The following SCRIB variants were observed in gnomAD, a reference collection of about 807,000 sequenced individuals.
SCRIB encodes the protein scribble planar cell polarity protein, also known as protein scribble homolog.
A neutral mutation model predicts 170.0 loss-of-function variants in SCRIB; 72 were observed. The ratio of observed to expected loss-of-function variants is 0.42; its 90% CI spans 0.35 to 0.52. The LOEUF is 0.52. SCRIB is among the 20% of genes least tolerant of loss of function. The pLI is 0.02. For synonymous variants in SCRIB, 1,298 were observed against 1,044.3 expected (o/e 1.24, Z -4.68); for missense variants, 2,475 against 2,338.5 (o/e 1.06, Z -1.20).
At position 143,813,865 on chromosome 8, in the gene SCRIB, G is replaced by C; in HGVS notation, c.309C>G (p.Phe103Leu). ...AGTCCGCGATCTCCAGAGCCTTGCA[G>C]AACTTGATGCTCTCCGGGATCTCAG... is the stretch of plus-strand genomic sequence containing the variant. The part of the protein sequence containing the change: ...DIPEIPESIK[F>L]CKALEIADFS... The change falls in exon 3 of 37, where the codon TTC (phenylalanine) becomes TTG (leucine). Residue 103 changes from phenylalanine to leucine, a missense_variant. Coordinates refer to ENST00000356994, the MANE Select transcript of SCRIB (RefSeq NM_182706.5). 1 of 1,609,602 alleles carries C rather than the reference G, an allele frequency of 6.2e-7. No individual in the cohort carries two copies. Among genetic ancestry groups the C allele is most frequent in the Non-Finnish European group, 8.5e-7 (1 of 1,177,130 alleles).
chr8:143,791,527 C>T (rs1308414695), intron 35 of SCRIB, 87 bp from the exon 36 acceptor site: 2 of 1,589,608 alleles, frequency 1.3e-6, no homozygotes, highest in Non-Finnish European at 1.7e-6. Context: ...CCCTGAGGCC[C>T]ACAGAGCCCG....
chr8:143,814,225 G>A (rs1815906680), intron 1 of SCRIB, 107 bp from the exon 2 acceptor site: 1 of 916,688 alleles, frequency 1.1e-6, no homozygotes, highest in Non-Finnish European at 1.7e-6. Context: ...GCCTCTGTCT[G>A]CTCCAGGTCA....
intron 21 of SCRIB, 124 bp downstream of exon 21, chr8:143,804,443 GA>G: frequency 9.6e-7 from 1 of 1,041,108 alleles, no homozygotes; most frequent in Non-Finnish European, 1.3e-6. Flanking sequence ...AGCTGCAGGG[GA>G]AAGGGCGAGC....
In SCRIB at chr8:143,791,044, G is replaced by C; in HGVS notation, c.*119C>G. ...GGGTGGGGCAGTTAGTTAGTCACAG[G>C]CCAGAACTCCTGTGGGGTCTCTTTA... On this transcript the variant is annotated 3_prime_UTR_variant, in exon 37 of 37. Coordinates refer to ENST00000356994, the MANE Select transcript of SCRIB (RefSeq NM_182706.5). 1.8e-6 allele frequency: 2 copies of C among 1,131,922 alleles called. No homozygotes were observed. The highest frequency in any genetic ancestry group is 2.3e-6 in the Non-Finnish European group (2 of 878,958). The allele number at this position is 1,131,922 out of a possible 1,614,324, so 70.1% of individuals were successfully genotyped here. A position where few individuals can be genotyped will look rare whatever the true frequency, so the allele number is the denominator to read the frequency against.
At chr8:143,804,330 G>A (rs1300848775) in intron 21 of SCRIB, among the ~76,000 whole-genome samples, 174 bp from the exon 22 acceptor site, 5 of 152,246 alleles carry the variant, frequency 3.3e-5, no homozygotes, top group Non-Finnish European at 5.9e-5. Flanking sequence ...CGCAGCGTGA[G>A]GACAATATCC....
chr8:143,796,451 CAA>C (rs1479171831), intron 24 of SCRIB, among the ~76,000 whole-genome samples: 3 of 152,190 alleles, frequency 2.0e-5, no homozygotes, highest in South Asian at 2.1e-4. Context: ...AAGGGGCAGG[CAA>C]AGAGATGCCA....
In SCRIB at chr8:143,813,908, G is replaced by A. The variant is rs371453909; in HGVS notation, c.278-12C>T. On this transcript the variant is annotated splice_polypyrimidine_tract_variant and intron_variant, in intron 2 of 36. Transcript: ENST00000356994. ...GATCTCAGGGATATCTGTCACAGAG[G>A]GTCACAGTGGACAGATGCCATGGCC... The A allele has an allele frequency of 2.4e-4, 383 of 1,606,238 alleles. 1 individual carries two copies. Among genetic ancestry groups the A allele is most frequent in the Non-Finnish European group, 2.3e-4 (275 of 1,174,902 alleles).
At position 143,791,891 on chromosome 8, in the gene SCRIB, G is replaced by A. The variant is rs530563448; in HGVS notation, c.4680C>T (p.Thr1560=). 4.6e-6 allele frequency: 7 copies of A among 1,526,414 alleles called. No homozygotes were observed. Among genetic ancestry groups the A allele is most frequent in the African/African-American group, 4.2e-5 (3 of 72,002 alleles). 94.6% of individuals were successfully genotyped at this position (1,526,414 alleles called of 1,614,324 possible). The change falls in exon 34 of 37, where the codon ACC becomes ACT. Residue 1560 remains threonine, a synonymous_variant. Coordinates refer to ENST00000356994, the MANE Select transcript of SCRIB (RefSeq NM_182706.5). ...PVEDLGPQTS[T]SPGRLPLSGK... is the part of the protein sequence containing the mutation. ...GGCTCCTCACCAGGCGTCCCGGGGA[G>A]GTGCTGGTCTGGGGGCCGAGGTCTG...
intron 13 of SCRIB, 124 bp from the exon 14 acceptor site, chr8:143,809,842 G>A (rs1040464305): frequency 1.1e-5 from 12 of 1,114,630 alleles, no homozygotes; most frequent in East Asian, 1.0e-4. Context: ...CACCGTTAAC[G>A]GGCTCACGCC....
At chr8:143,806,573 A>C in intron 17 of SCRIB, 89 bp from the exon 18 acceptor site, 1 of 1,071,912 alleles carries the variant, frequency 9.3e-7, no homozygotes, top group Non-Finnish European at 1.4e-6. Context: ...GGGAAGACCC[A>C]CTCCCAGCAG....
At chr8:143,799,961 G>A (rs182751552) in intron 24 of SCRIB, among the ~76,000 whole-genome samples, 3 of 152,094 alleles carry the variant, frequency 2.0e-5, no homozygotes, top group Non-Finnish European at 4.4e-5. Flanking sequence ...CACAGGGCCA[G>A]GCAGACAGAC....
In SCRIB at chr8:143,805,289, C is replaced by G. The variant is rs781899815; in HGVS notation, c.2493G>C (p.Glu831Asp). 1 of 1,551,690 alleles carries G rather than the reference C, an allele frequency of 6.4e-7. No homozygotes were observed. Among genetic ancestry groups the G allele is most frequent in the South Asian group, 1.2e-5 (1 of 85,490 alleles). Reference sequence around the variant, plus strand: ...GCCGCTCTCGGGGGCTGTAATCATCCTCGGGCCGCAGCGGCGTGATGGTGA... The same window carrying G: ...GCCGCTCTCGGGGGCTGTAATCATCGTCGGGCCGCAGCGGCGTGATGGTGA... ...NAVTITPLRP[E>D]DDYSPRERRG... The change falls in exon 19 of 37, where the codon GAG becomes GAC. Residue 831 changes from glutamate (E) to aspartate (D), a missense_variant. By Grantham distance (45) the Glu-to-Asp change is conservative. This residue lies in a region of SCRIB where 1,966 missense variants were observed against 1,742.9 expected (regional missense o/e 1.13). Transcript: ENST00000356994.
rs782651482 is a variant in SCRIB, at chr8:143,805,301, C to T, written c.2481G>A (p.Pro827=). The change falls in exon 19 of 37, where the codon CCG becomes CCA. Residue 827 remains proline, a synonymous_variant. Transcript: ENST00000356994. ...GGCTGTAATCATCCTCGGGCCGCAG[C>T]GGCGTGATGGTGACCGCGTTCTCAG... The part of the protein sequence containing the change: ...VEPENAVTIT[P]LRPEDDYSPR... 7.8e-6 allele frequency: 12 copies of T among 1,547,700 alleles called. No individual in the cohort carries two copies. Among genetic ancestry groups the T allele is most frequent in the Middle Eastern group, 1.7e-4 (1 of 6,002 alleles).
rs780317726 is a variant in SCRIB at position 143,810,957 on chromosome 8, C to T, written c.1222G>A (p.Glu408Lys). ...FQTEDDARTG[E>K]KVLTCYLLPQ... Reference sequence around the variant, plus strand: ...AGCAAGTAGCAGGTGAGCACCTTCTCGCCGGTCCGGGCATCATCCTCCGTC... The same window carrying T: ...AGCAAGTAGCAGGTGAGCACCTTCTTGCCGGTCCGGGCATCATCCTCCGTC... The change falls in exon 11 of 37, where the codon GAG becomes AAG. Residue 408 changes from glutamate to lysine, a missense_variant. Glu to Lys is a moderately conservative substitution (Grantham distance 56, BLOSUM62 1). Around this residue, in one of 3 missense-constraint regions of SCRIB, gnomAD observed 487 missense variants for 558.1 expected, o/e 0.87. Transcript: ENST00000356994. The T allele has an allele frequency of 3.0e-5, 49 of 1,611,796 alleles. No individual in the cohort carries two copies. The highest frequency in any genetic ancestry group is 3.9e-5 in the Non-Finnish European group (46 of 1,179,726).
chr8:143,795,225 G>A, intron 26 of SCRIB, 52 bp downstream of exon 26: 1 of 1,609,020 alleles, frequency 6.2e-7, no homozygotes, highest in African/African-American at 1.3e-5. Flanking sequence ...CACAGGCAAT[G>A]TGCACCCCGC....
chr8:143,810,120 G>A (rs1815638527), intron 13 of SCRIB, among the ~76,000 whole-genome samples: 1 of 152,048 alleles, frequency 6.6e-6, no homozygotes, highest in Non-Finnish European at 1.5e-5. Context: ...AGTGAGAACA[G>A]TCAGGCCTGC....
rs1288254711 is a variant in SCRIB at position 143,793,038 on chromosome 8, G to C, written c.3955C>G (p.Gln1319Glu). The C allele has an allele frequency of 6.6e-7, 1 of 1,506,542 alleles. No individual in the cohort carries two copies. The highest frequency in any genetic ancestry group is 8.9e-7 in the Non-Finnish European group (1 of 1,126,026). 93.3% of individuals were successfully genotyped at this position (1,506,542 alleles called of 1,614,324 possible). ...ACGGCCGCGAAGGCCCTGTAGGCCTGCTTCACATTGGCGGGCAGCTCATCC... is the reference window on the plus strand; with the variant it reads ...ACGGCCGCGAAGGCCCTGTAGGCCTCCTTCACATTGGCGGGCAGCTCATCC... ...SPDELPANVKQAYRAFAAVPT... is the reference protein window; with the variant it reads ...SPDELPANVKEAYRAFAAVPT... The change falls in exon 29 of 37, where the codon CAG (glutamine) becomes GAG (glutamate). Residue 1319 changes from glutamine to glutamate, a missense_variant. This residue lies in a region of SCRIB where 1,966 missense variants were observed against 1,742.9 expected (regional missense o/e 1.13). Transcript: ENST00000356994.
In SCRIB at chr8:143,810,900, A is replaced by T. The variant is rs1815683883; in HGVS notation, c.1273+6T>A. On this transcript the variant is annotated splice_donor_region_variant and intron_variant, in intron 11 of 36. Transcript: ENST00000356994. ...CCGCGCTAAGCACCGGTTGCCAACA[A>T]CCTACCGAGGCTGGGTGGGGGCTGC... is the stretch of plus-strand genomic sequence containing the variant. 1 of 1,611,090 alleles carries T rather than the reference A, an allele frequency of 6.2e-7. No individual in the cohort carries two copies. The highest frequency in any genetic ancestry group is 8.5e-7 in the Non-Finnish European group (1 of 1,179,880).
At position 143,796,963 on chromosome 8, in the gene SCRIB, G is replaced by A. The variant is rs117603461; in HGVS notation, c.3604-1433C>T. 9.5e-3 allele frequency among the ~76,000 whole-genome samples: 1,454 copies of A among 152,266 alleles called. 18 individuals are homozygous for A. The highest frequency in any genetic ancestry group is 0.017 in the Non-Finnish European group (1,150 of 68,030). On this transcript the variant is annotated intron_variant, in intron 24 of 36. Transcript: ENST00000356994. ...TCCAAGAATAACCTTGGGAATGACC[G>A]GCATACCCTCCAGCTCTGGCCCCCA...
Sources: allele counts gnomAD v4.1 joint callset (sites outside exome capture counted in the v4.1 genomes callset), GRCh38; gene constraint gnomAD v4.1.1; regional missense constraint gnomAD v4.1.1; transcripts MANE v1.5; gene names NCBI Gene and HGNC (gene_info 2026-07-23, HGNC 2026-07-21).